Variants in TNFAIP8 observed in about 807,000 individuals in gnomAD.
The protein encoded by TNFAIP8 is TNF alpha induced protein 8, also known as tumor necrosis factor alpha-induced protein 8.
Under a neutral mutation model 13.3 loss-of-function variants are expected in TNFAIP8, and 7 were observed. The ratio of observed to expected loss-of-function variants is 0.52; its 90% CI spans 0.30 to 0.99. TNFAIP8 has a LOEUF of 0.99. Among genes scored for constraint, TNFAIP8 ranks in the 50% least tolerant of loss-of-function variants. The probability of loss-of-function intolerance (pLI) is 0.07; values close to 1 mark genes in which losing one functional copy is unlikely to be tolerated. For synonymous variants in TNFAIP8, 94 were observed against 87.6 expected (o/e 1.07, Z -0.41); for missense variants, 258 against 236.9 (o/e 1.09, Z -0.58).
upstream of TNFAIP8, among the ~76,000 whole-genome samples, chr5:119,351,952 G>A (rs868597806): frequency 6.6e-6 from 1 of 151,996 alleles, no homozygotes; most frequent in Admixed American, 6.5e-5. Flanking sequence ...ACTGTGCTCA[G>A]TTAATTTTTG....
At chr5:119,294,991 TG>T (rs1749122496) in intron 1 of TNFAIP8, among the ~76,000 whole-genome samples, 1 of 152,026 alleles carries the variant, frequency 6.6e-6, no homozygotes, top group Non-Finnish European at 1.5e-5. Flanking sequence ...TTCTGTAGGT[TG>T]CCTGTTCACT....
chr5:119,293,676 C>T (rs539770020), intron 1 of TNFAIP8, among the ~76,000 whole-genome samples: 121 of 152,134 alleles, frequency 8.0e-4, no homozygotes, highest in Non-Finnish European at 1.2e-3. Context: ...TGTACACTTA[C>T]AATGATAAAT....
intron 1 of TNFAIP8, among the ~76,000 whole-genome samples, chr5:119,317,348 A>G (rs1046104275): frequency 3.9e-5 from 6 of 152,146 alleles, no homozygotes; most frequent in Non-Finnish European, 1.5e-5. Flanking sequence ...AAAGTTTTCT[A>G]AAATTACAGA....
At chr5:119,354,597 C>T (rs1581635764), upstream of TNFAIP8, 1 of 152,166 alleles carries the variant, frequency 6.6e-6, no homozygotes, top group African/African-American at 2.4e-5. Context: ...TCTATGTAGT[C>T]CTTATGGTTT....
intron 1 of TNFAIP8, among the ~76,000 whole-genome samples, chr5:119,294,744 G>A (rs1441003833): frequency 1.3e-5 from 2 of 152,138 alleles, no homozygotes; most frequent in Non-Finnish European, 2.9e-5. Context: ...TAACTGGTGT[G>A]AGATGGTATC....
intron 1 of TNFAIP8, among the ~76,000 whole-genome samples, chr5:119,319,236 T>C (rs549719792): frequency 1.3e-5 from 2 of 152,318 alleles, no homozygotes; most frequent in Admixed American, 1.3e-4. Flanking sequence ...ATGGCACTAC[T>C]ACACTTCAGC....
chr5:119,391,531 G>A, intron 1 of TNFAIP8: 3 of 649,254 alleles, frequency 4.6e-6, no homozygotes, highest in Non-Finnish European at 8.5e-6. Flanking sequence ...AGGCTGAGAT[G>A]GGCAGATCAC....
chr5:119,352,126 C>T (rs760044364), upstream of TNFAIP8, among the ~76,000 whole-genome samples: 6 of 152,126 alleles, frequency 3.9e-5, no homozygotes, highest in Non-Finnish European at 8.8e-5. Flanking sequence ...AGCCAAATAA[C>T]CTGGGCCAGG....
chr5:119,372,454 A>G (rs1375956241), intron 1 of TNFAIP8, among the ~76,000 whole-genome samples: 4 of 152,208 alleles, frequency 2.6e-5, no homozygotes, highest in Non-Finnish European at 4.4e-5. Context: ...ACAGCTAGAT[A>G]TGATCAATAA....
chr5:119,355,003 C>T (rs186457179), upstream of TNFAIP8: 27 of 248,756 alleles, frequency 1.1e-4, no homozygotes, highest in Admixed American at 1.1e-3. Context: ...CTACAAAATA[C>T]CTCCGTAAGA....
At chr5:119,334,587 G>A (rs77414488) in intron 1 of TNFAIP8, among the ~76,000 whole-genome samples, 2,939 of 150,064 alleles carry the variant, frequency 0.02, 55 homozygotes, top group Middle Eastern at 0.071. Flanking sequence ...ATGTACATTC[G>A]TCTACTAGAT....
chr5:119,327,669 G>A (rs893214354), intron 1 of TNFAIP8, among the ~76,000 whole-genome samples: 4 of 152,122 alleles, frequency 2.6e-5, no homozygotes, highest in Admixed American at 2.6e-4. Context: ...ATGTTGGCCA[G>A]GCTGGTCTCG....
In TNFAIP8 at chr5:119,391,242, A is replaced by G. The variant is rs754061529; in HGVS notation, c.32-1574A>G. 3.4e-5 allele frequency: 20 copies of G among 587,686 alleles called. 1 individual carries two copies. Among genetic ancestry groups the G allele is most frequent in the Non-Finnish European group, 5.6e-5 (18 of 322,944 alleles). The allele number at this position is 587,686 out of a possible 1,614,324, so 36.4% of individuals were successfully genotyped here. ...GCAGCTGCCTTTTTGCTTCCTAATG[A>G]TGCTAGCCTATCCAAACTAGAAATA... On this transcript the variant is annotated intron_variant, in intron 1 of 1. Coordinates refer to ENST00000504771, the MANE Select transcript of TNFAIP8 (RefSeq NM_014350.4).
chr5:119,269,287 G>A (rs1373863544), intron 1 of TNFAIP8, among the ~76,000 whole-genome samples: 1 of 152,164 alleles, frequency 6.6e-6, no homozygotes, highest in Non-Finnish European at 1.5e-5. Flanking sequence ...ACATACTGGC[G>A]AAAGCACTGC....
At chr5:119,392,408 T>A (rs1752926985) in intron 1 of TNFAIP8, among the ~76,000 whole-genome samples, 1 of 152,014 alleles carries the variant, frequency 6.6e-6, no homozygotes, top group Non-Finnish European at 1.5e-5. Flanking sequence ...TTTTTTGTTT[T>A]GAGACAGAGT....
At chr5:119,377,272 A>G (rs1396323791) in intron 1 of TNFAIP8, among the ~76,000 whole-genome samples, 2 of 152,044 alleles carry the variant, frequency 1.3e-5, no homozygotes, top group Non-Finnish European at 1.5e-5. Flanking sequence ...GCATAGTGGC[A>G]TGCACATGTG....
At chr5:119,353,471 C>G (rs1751252415), upstream of TNFAIP8, among the ~76,000 whole-genome samples, 1 of 152,312 alleles carries the variant, frequency 6.6e-6, no homozygotes, top group South Asian at 2.1e-4. Flanking sequence ...TGTACTTATT[C>G]ACATAAAGCC....
Position 119,369,225 on chromosome 5 carries a change from T to C in TNFAIP8, c.31+13104T>C, listed in dbSNP as rs181783286. Reference sequence around the variant, plus strand: ...CCCATGACCATGCCCAGCTAATTTTTGTATTTTTATTAGAGATGGGATTTC... The same window carrying C: ...CCCATGACCATGCCCAGCTAATTTTCGTATTTTTATTAGAGATGGGATTTC... On this transcript the variant is annotated intron_variant, in intron 1 of 1. Transcript: ENST00000504771. Among the ~76,000 whole-genome samples, 645 of 152,136 alleles carry C rather than the reference T, an allele frequency of 4.2e-3. 3 individuals are homozygous for C. Among genetic ancestry groups the C allele is most frequent in the African/African-American group, 0.014 (599 of 41,478 alleles).
chr5:119,384,867 C>G (rs374374077), intron 1 of TNFAIP8, among the ~76,000 whole-genome samples: 65 of 152,160 alleles, frequency 4.3e-4, no homozygotes, highest in Middle Eastern at 3.4e-3. Context: ...AGAAAAAGAG[C>G]AGAGATGGGG....
Sources: allele counts gnomAD v4.1 joint callset (sites outside exome capture counted in the v4.1 genomes callset), GRCh38; gene constraint gnomAD v4.1.1; transcripts MANE v1.5; gene names NCBI Gene and HGNC (gene_info 2026-07-23, HGNC 2026-07-21).